Variants in LINGO2 observed in about 807,000 individuals in gnomAD.
The protein encoded by LINGO2 is leucine rich repeat and Ig domain containing 2.
LINGO2 carries 14 observed loss-of-function variants against 30.6 expected under a neutral mutation model. The ratio of observed to expected loss-of-function variants is 0.46; its 90% CI spans 0.30 to 0.72. LINGO2 has a LOEUF of 0.72. Ranked by LOEUF, LINGO2 falls within the 30% of genes least tolerant of loss-of-function variation. The probability of loss-of-function intolerance (pLI) is 0.07; values close to 1 mark genes in which losing one functional copy is unlikely to be tolerated. For synonymous variants in LINGO2, 317 were observed against 288.5 expected (o/e 1.10, Z -1.00); for missense variants, 729 against 751.7 (o/e 0.97, Z 0.35).
chr9:28,723,047 AT>A, the LINGO2 span, among the ~76,000 whole-genome samples: 1 of 152,090 alleles, frequency 6.6e-6, no homozygotes, highest in African/African-American at 2.4e-5. Flanking sequence ...CTTGAGCATG[AT>A]TCTTTTTGAA....
intron 2 of LINGO2, among the ~76,000 whole-genome samples, chr9:28,380,047 T>G: frequency 6.6e-6 from 1 of 152,220 alleles, no homozygotes; most frequent in South Asian, 2.1e-4. Flanking sequence ...ACAGATTATT[T>G]ATGTCCTCTT....
At chr9:28,496,761 C>T (rs2135293815) in intron 1 of LINGO2, among the ~76,000 whole-genome samples, 1 of 152,258 alleles carries the variant, frequency 6.6e-6, no homozygotes, top group African/African-American at 2.4e-5. Flanking sequence ...CATTGATGGT[C>T]TTTACAATTT....
chr9:28,734,257 T>C, the LINGO2 span, among the ~76,000 whole-genome samples: 3,385 of 152,226 alleles, frequency 0.022, 129 homozygotes, highest in African/African-American at 0.075. Flanking sequence ...AACGAGTGAT[T>C]AGTGAGCAGT....
the LINGO2 span, among the ~76,000 whole-genome samples, chr9:28,917,887 A>G: frequency 6.6e-6 from 1 of 152,102 alleles, no homozygotes; most frequent in South Asian, 2.1e-4. Flanking sequence ...AATAGTCATT[A>G]ATACGAAGTC....
intron 1 of LINGO2, among the ~76,000 whole-genome samples, chr9:28,502,982 A>T (rs2135323418): frequency 6.6e-6 from 1 of 152,214 alleles, no homozygotes; most frequent in Non-Finnish European, 1.5e-5. Context: ...TGGCTCATTT[A>T]TTTTATGCCT....
chr9:28,609,507 A>C lies in LINGO2; in HGVS notation c.-365+60693T>G, dbSNP rs147054889. ...ATACAAATAACCAATAAACATTAGA[A>C]AAGTTATTGAATCTTCTTTTAAATC... On this transcript the variant is annotated intron_variant, in intron 1 of 5. Coordinates refer to ENST00000379992, the Ensembl canonical transcript of LINGO2. Among the ~76,000 whole-genome samples, 634 of 152,180 alleles carry C rather than the reference A, an allele frequency of 4.2e-3. 1 individual carries two copies. The highest frequency in any genetic ancestry group is 0.014 in the African/African-American group (586 of 41,566).
chr9:28,544,883 A>C (rs977552189), intron 1 of LINGO2, among the ~76,000 whole-genome samples: 1 of 151,278 alleles, frequency 6.6e-6, no homozygotes, highest in African/African-American at 2.4e-5. Flanking sequence ...GGGGGAACTT[A>C]AACGGTCATC....
At chr9:29,076,219 G>C in the LINGO2 span, among the ~76,000 whole-genome samples, 1 of 151,854 alleles carries the variant, frequency 6.6e-6, no homozygotes, top group Non-Finnish European at 1.5e-5. Context: ...GAAGACACTT[G>C]ACTAAGTATA....
At chr9:29,054,421 T>G in the LINGO2 span, among the ~76,000 whole-genome samples, 1 of 152,206 alleles carries the variant, frequency 6.6e-6, no homozygotes, top group Non-Finnish European at 1.5e-5. Flanking sequence ...CTTTGGATTT[T>G]GTATGCACTT....
At chr9:29,158,152 G>A in the LINGO2 span, among the ~76,000 whole-genome samples, 1 of 150,488 alleles carries the variant, frequency 6.6e-6, no homozygotes. Context: ...ACCAGCCAGG[G>A]CAACACAGCA....
intron 3 of LINGO2, among the ~76,000 whole-genome samples, chr9:28,343,120 A>G (rs1301854358): frequency 1.3e-5 from 2 of 152,204 alleles, no homozygotes; most frequent in African/African-American, 2.4e-5. Flanking sequence ...AGGATTTAGG[A>G]AACAGGATAG....
At chr9:28,874,483 G>A in the LINGO2 span, among the ~76,000 whole-genome samples, 5 of 151,886 alleles carry the variant, frequency 3.3e-5, no homozygotes, top group Non-Finnish European at 5.9e-5. Context: ...GATTTGTACT[G>A]TAATTATATA....
the LINGO2 span, among the ~76,000 whole-genome samples, chr9:28,677,705 T>C: frequency 6.6e-6 from 1 of 152,166 alleles, no homozygotes; most frequent in Non-Finnish European, 1.5e-5. Flanking sequence ...TAAAGCCCTT[T>C]ATGCTACAGT....
the LINGO2 span, among the ~76,000 whole-genome samples, chr9:28,824,766 G>T: frequency 6.6e-6 from 1 of 152,114 alleles, no homozygotes; most frequent in African/African-American, 2.4e-5. Flanking sequence ...CAGTATGAAT[G>T]CAGCAGAAAA....
intron 5 of LINGO2, among the ~76,000 whole-genome samples, chr9:27,982,278 C>G (rs1820917032): frequency 6.6e-6 from 1 of 151,754 alleles, no homozygotes; most frequent in Admixed American, 6.6e-5. Flanking sequence ...AAATACACCA[C>G]ACATAATTTA....
chr9:28,731,234 C>G, the LINGO2 span, among the ~76,000 whole-genome samples: 4 of 152,082 alleles, frequency 2.6e-5, no homozygotes, highest in Admixed American at 1.3e-4. Flanking sequence ...GGCGATCCAC[C>G]CGCCTCGGCC....
At chr9:28,488,933 T>C (rs1295893473) in intron 1 of LINGO2, among the ~76,000 whole-genome samples, 2 of 152,178 alleles carry the variant, frequency 1.3e-5, no homozygotes, top group East Asian at 3.9e-4. Flanking sequence ...AATAAACAAA[T>C]ACCTTATATT....
At chr9:29,016,076 A>G in the LINGO2 span, among the ~76,000 whole-genome samples, 1 of 152,174 alleles carries the variant, frequency 6.6e-6, no homozygotes. Flanking sequence ...AGTCTTGTCA[A>G]AATGTTTTAC....
At chr9:28,101,436 G>C (rs960089721) in intron 4 of LINGO2, among the ~76,000 whole-genome samples, 5 of 152,156 alleles carry the variant, frequency 3.3e-5, no homozygotes, top group Non-Finnish European at 7.4e-5. Context: ...GTCACTTCAA[G>C]GCTATTGCTA....
Sources: allele counts gnomAD v4.1 joint callset (sites outside exome capture counted in the v4.1 genomes callset), GRCh38; gene constraint gnomAD v4.1.1; transcripts MANE v1.5; gene names NCBI Gene and HGNC (gene_info 2026-07-23, HGNC 2026-07-21).